Variants in TP73 observed in about 807,000 individuals in gnomAD.
The protein encoded by TP73 is p53-like transcription factor.
A neutral mutation model predicts 62.5 loss-of-function variants in TP73; 25 were observed. The observed-to-expected ratio is 0.40, with a 90% CI of 0.29 to 0.56. TP73 has a LOEUF of 0.56. Among genes scored for constraint, TP73 ranks in the 20% least tolerant of loss-of-function variants. The probability of loss-of-function intolerance (pLI) is 0.46; values close to 1 mark genes in which losing one functional copy is unlikely to be tolerated. For synonymous variants in TP73, 423 were observed against 377.5 expected, an observed-to-expected ratio of 1.12 and a Z score of -1.40; for missense variants, 754 against 913.3, an observed-to-expected ratio of 0.83 and a Z score of 2.25.
In TP73 at chr1:3,667,253, G is replaced by A. The variant is rs554229451; in HGVS notation, c.-34+14612G>A. On this transcript the variant is annotated intron_variant, in intron 1 of 13. Coordinates refer to ENST00000378295, the MANE Select transcript of TP73 (RefSeq NM_005427.4). ...GGAAGAGGGGGAAATGTATTCTCCC[G>A]GGGTCTCCAGAAGCAGCCAGCCCTG... Among the ~76,000 whole-genome samples the A allele has an allele frequency of 2.2e-4, 33 of 152,298 alleles. 1 individual carries two copies. The South Asian group carries it at 4.1e-3, about 19-fold the overall frequency.
rs999852565 is a variant in TP73 at position 3,696,323 on chromosome 1, C to T, written c.187-11226C>T. ...TGCTGCTCCCCAAGGCAGGAAAGGC[C>T]GGCAGGGTCTGGATGTGAGGTGGGT... On this transcript the variant is annotated intron_variant, in intron 3 of 13. Coordinates refer to ENST00000378295, the MANE Select transcript of TP73 (RefSeq NM_005427.4). This position sits in a 1 kb window ranked among gnomAD's most constrained non-coding sequence, Gnocchi z 4.1. Among the ~76,000 whole-genome samples the T allele has an allele frequency of 1.5e-4, 23 of 151,962 alleles. No individual in the cohort carries two copies. The highest frequency in any genetic ancestry group is 1.1e-3 in the Admixed American group (17 of 15,256).
At chr1:3,730,676 C>T (rs1642066244) in intron 11 of TP73, among the ~76,000 whole-genome samples, 1 of 152,190 alleles carries the variant, frequency 6.6e-6, no homozygotes, top group South Asian at 2.1e-4. Context: ...CCAGTGCCAG[C>T]TGCGATTGCC....
chr1:3,711,091 C>A (rs991979651), intron 4 of TP73, among the ~76,000 whole-genome samples: 26 of 152,362 alleles, frequency 1.7e-4, no homozygotes, highest in Non-Finnish European at 3.2e-4. Flanking sequence ...CCCGTGAGCA[C>A]CTTCTGCTTC....
At chr1:3,658,079 C>T (rs930681496) in intron 1 of TP73, among the ~76,000 whole-genome samples, 1 of 152,208 alleles carries the variant, frequency 6.6e-6, no homozygotes. Flanking sequence ...GTGGTGGCCT[C>T]CAGTGAGGCC....
intron 4 of TP73, chr1:3,708,661 G>A (rs1488682181): frequency 2.0e-5 from 3 of 152,392 alleles, no homozygotes; most frequent in Non-Finnish European, 2.9e-5. Flanking sequence ...GGGTCTGTCA[G>A]GAGGGGCAAG....
rs191331677 is a variant in TP73, at chr1:3,664,442, G to A, written c.-34+11801G>A. Among the ~76,000 whole-genome samples, 83 of 152,280 alleles carry A rather than the reference G, an allele frequency of 5.5e-4. No homozygotes were observed. The East Asian group carries it at 0.013, about 24-fold the overall frequency. ...GCTGAGGGGGCAGGCTGCCCCTCCTGCAGGAGAGGTGCAGTATTTCACTGG... is the reference window on the plus strand; with the variant it reads ...GCTGAGGGGGCAGGCTGCCCCTCCTACAGGAGAGGTGCAGTATTTCACTGG... On this transcript the variant is annotated intron_variant, in intron 1 of 13. Coordinates refer to ENST00000378295, the MANE Select transcript of TP73 (RefSeq NM_005427.4).
At position 3,706,374 on chromosome 1, in the gene TP73, G is replaced by T. The variant is rs781095019; in HGVS notation, c.187-1175G>T. Among the ~76,000 whole-genome samples, 437 of 141,500 alleles carry T rather than the reference G, an allele frequency of 3.1e-3. 7 individuals are homozygous for T. The highest frequency in any genetic ancestry group is 0.011 in the African/African-American group (384 of 35,212). The allele number at this position is 141,500 out of a possible 152,430, so 92.8% of individuals were successfully genotyped here. On this transcript the variant is annotated intron_variant, in intron 3 of 13. Transcript: ENST00000378295. ...CAATCACGGTGCCCGCCGCAGGCCC[G>T]GGGAGGGGGGTAATAGGGACAATCA...
intron 4 of TP73, among the ~76,000 whole-genome samples, chr1:3,714,512 G>T (rs1640430221): frequency 6.6e-6 from 1 of 152,234 alleles, no homozygotes. Flanking sequence ...GGCCCTCTCT[G>T]CAGTGAGCAG....
chr1:3,654,331 C>G (rs1405661563), intron 1 of TP73, among the ~76,000 whole-genome samples: 1 of 152,124 alleles, frequency 6.6e-6, no homozygotes. Context: ...GGATGTGAGC[C>G]CTGCCTTGCA....
intron 3 of TP73, among the ~76,000 whole-genome samples, chr1:3,692,446 G>A (rs1038268296): frequency 2.0e-5 from 3 of 152,192 alleles, no homozygotes; most frequent in Non-Finnish European, 2.9e-5. Context: ...AGCGTGGAAC[G>A]GCTACATCAG....
At chr1:3,671,245 G>A (rs1405495262) in intron 1 of TP73, among the ~76,000 whole-genome samples, 1 of 152,200 alleles carries the variant, frequency 6.6e-6, no homozygotes, top group Non-Finnish European at 1.5e-5. Flanking sequence ...TGGGAGCTGG[G>A]AGCGTGACGG....
intron 3 of TP73, among the ~76,000 whole-genome samples, chr1:3,693,650 G>A (rs1214674416): frequency 6.6e-6 from 1 of 152,032 alleles, no homozygotes; most frequent in Non-Finnish European, 1.5e-5. Flanking sequence ...ACGCAGGGGG[G>A]CCTGGCCTGG....
chr1:3,730,678 G>A lies in TP73; in HGVS notation c.1346-249G>A, dbSNP rs111849472. On this transcript the variant is annotated intron_variant, in intron 11 of 13. Transcript: ENST00000378295. ...TGTGGCCAGCACTCCAGTGCCAGCT[G>A]CGATTGCCCTTACAACCCAGTGCCC... 6.8e-3 allele frequency among the ~76,000 whole-genome samples: 1,034 copies of A among 152,276 alleles called. 9 individuals carry two copies. Among genetic ancestry groups the A allele is most frequent in the African/African-American group, 0.024 (978 of 41,550 alleles).
intron 1 of TP73, among the ~76,000 whole-genome samples, chr1:3,664,568 A>C (rs984593801): frequency 2.6e-5 from 4 of 152,184 alleles, no homozygotes; most frequent in African/African-American, 9.7e-5. Context: ...ACCAGTCCGA[A>C]TACATGAGCC....
intron 4 of TP73, among the ~76,000 whole-genome samples, chr1:3,709,138 T>G (rs1639923225): frequency 6.6e-6 from 1 of 152,100 alleles, no homozygotes; most frequent in Non-Finnish European, 1.5e-5. Context: ...GGGGTCTGGG[T>G]TCCAGGCCCC....
intron 3 of TP73, chr1:3,690,855 G>T: frequency 6.4e-7 from 1 of 1,555,048 alleles, no homozygotes; most frequent in South Asian, 1.2e-5. Context: ...TCCATGCCTC[G>T]TCCCACGGGA....
chr1:3,717,605 C>T (rs975658876), intron 4 of TP73, among the ~76,000 whole-genome samples: 3 of 151,456 alleles, frequency 2.0e-5, no homozygotes, highest in Admixed American at 6.6e-5. Flanking sequence ...TAGGCTCCAC[C>T]GGAGTCCTCC....
chr1:3,731,791 C>G (rs1371259871), intron 13 of TP73, among the ~76,000 whole-genome samples: 1 of 152,216 alleles, frequency 6.6e-6, no homozygotes, highest in Non-Finnish European at 1.5e-5. Flanking sequence ...GTCATTTGAG[C>G]CTTTTTGGAC....
At chr1:3,674,069 G>T (rs570900770) in intron 1 of TP73, among the ~76,000 whole-genome samples, 2 of 152,194 alleles carry the variant, frequency 1.3e-5, no homozygotes, top group Admixed American at 1.3e-4. Context: ...TCACTGGGCC[G>T]TCGTGGGGTG....
Sources: allele counts gnomAD v4.1 joint callset (sites outside exome capture counted in the v4.1 genomes callset), GRCh38; gene constraint gnomAD v4.1.1; non-coding constraint Gnocchi (gnomAD v3.1); transcripts MANE v1.5; gene names NCBI Gene and HGNC (gene_info 2026-07-23, HGNC 2026-07-21).